Variants in CPA6 observed in about 807,000 individuals in gnomAD.
CPA6 encodes the protein carboxypeptidase B.
Under a neutral mutation model 63.3 loss-of-function variants are expected in CPA6, and 58 were observed. That is an observed-to-expected ratio of 0.92 (90% CI 0.74 to 1.14). CPA6 has a LOEUF of 1.14. CPA6 is among the 50% of genes most tolerant of loss of function. The pLI, the probability that CPA6 is intolerant of heterozygous loss-of-function variation, is 0.00. For missense variants in CPA6, 565 were observed against 526.6 expected (o/e 1.07, Z -0.71); for synonymous variants, 185 against 179.0 (o/e 1.03, Z -0.27).
chr8:67,531,183 T>C (rs1812469903), intron 2 of CPA6, among the ~76,000 whole-genome samples: 1 of 152,122 alleles, frequency 6.6e-6, no homozygotes, highest in Admixed American at 6.6e-5. Context: ...AAGACAATTA[T>C]ATTATCAACA....
intron 2 of CPA6, among the ~76,000 whole-genome samples, chr8:67,606,430 G>A (rs1324507313): frequency 6.6e-6 from 1 of 151,992 alleles, no homozygotes; most frequent in South Asian, 2.1e-4. Flanking sequence ...TGCTTGAGAG[G>A]ACCACCCAAA....
At chr8:67,692,202 G>C (rs2128997449) in intron 1 of CPA6, among the ~76,000 whole-genome samples, 1 of 152,160 alleles carries the variant, frequency 6.6e-6, no homozygotes, top group South Asian at 2.1e-4. Context: ...CGGGCATGGT[G>C]GCGCATGCCT....
intron 1 of CPA6, among the ~76,000 whole-genome samples, chr8:67,632,152 G>C (rs955860398): frequency 7.6e-5 from 5 of 65,934 alleles, no homozygotes; most frequent in East Asian, 3.0e-4. Flanking sequence ...ATGATGCTGT[G>C]TGTGTGTGTG....
At chr8:67,726,858 A>T (rs1399069308) in intron 1 of CPA6, among the ~76,000 whole-genome samples, 1 of 152,226 alleles carries the variant, frequency 6.6e-6, no homozygotes, top group Non-Finnish European at 1.5e-5. Flanking sequence ...ATATTCAATA[A>T]TCTCATTTTC....
At chr8:67,439,981 T>C (rs964639535) in intron 8 of CPA6, among the ~76,000 whole-genome samples, 8 of 152,208 alleles carry the variant, frequency 5.3e-5, no homozygotes, top group African/African-American at 1.9e-4. Context: ...GTGGTGTAAG[T>C]AGATATTCCA....
In CPA6 at chr8:67,517,946, TAAG is replaced by T; in HGVS notation, c.291_293del (p.Phe97del). The stretch of plus-strand genomic sequence containing the variant: ...ACTTGTACTGGATGTTGGCTTCCTG[TAAG>T]AAGGCTAACAGGGCTCGGGAACCAT... On this transcript the variant is annotated inframe_deletion, in exon 3 of 11. Transcript: ENST00000297770. 1 of 1,612,222 alleles carries T rather than the reference TAAG, an allele frequency of 6.2e-7. No homozygotes were observed. The highest frequency in any genetic ancestry group is 8.5e-7 in the Non-Finnish European group (1 of 1,179,398).
At chr8:67,594,375 T>G (rs1427392957) in intron 2 of CPA6, among the ~76,000 whole-genome samples, 2 of 152,138 alleles carry the variant, frequency 1.3e-5, no homozygotes, top group Non-Finnish European at 2.9e-5. Flanking sequence ...GAGTTGCTCT[T>G]CTCGAGGAGT....
intron 2 of CPA6, among the ~76,000 whole-genome samples, chr8:67,575,871 G>C (rs1813612399): frequency 6.6e-6 from 1 of 150,452 alleles, no homozygotes; most frequent in African/African-American, 2.4e-5. Flanking sequence ...AAGAAATTTT[G>C]TCAACATGGA....
At chr8:67,711,932 A>T (rs968189027) in intron 1 of CPA6, among the ~76,000 whole-genome samples, 2 of 152,132 alleles carry the variant, frequency 1.3e-5, no homozygotes, top group African/African-American at 2.4e-5. Flanking sequence ...CCACAGAGCC[A>T]TGTAATACTT....
chr8:67,587,996 A>T lies in CPA6; in HGVS notation c.192+36180T>A, dbSNP rs150405561. On this transcript the variant is annotated intron_variant, in intron 2 of 10. Coordinates refer to ENST00000297770, the MANE Select transcript of CPA6 (RefSeq NM_020361.5). ...TTTCAATGATCACTAGCACAGGGAT[A>T]AGTGGTACAGGTGTGCTTGAGGTAA... Among the ~76,000 whole-genome samples the T allele has an allele frequency of 2.6e-3, 399 of 152,304 alleles. 10 individuals are homozygous for T. In the East Asian group the frequency reaches 0.071, roughly 27 times the overall value.
rs182805663 is a variant in CPA6, at chr8:67,519,808, T to C, written c.193-1761A>G. Among the ~76,000 whole-genome samples the C allele has an allele frequency of 4.9e-4, 74 of 152,374 alleles. 1 individual carries two copies. Among genetic ancestry groups the C allele is most frequent in the Non-Finnish European group, 8.4e-4 (57 of 68,032 alleles). On this transcript the variant is annotated intron_variant, in intron 2 of 10. Transcript: ENST00000297770. ...ATAGGTGTGTCTAAACCACATCTTT[T>C]AGGTCTCCAAATAGAGGAGAGTCAA...
intron 10 of CPA6, among the ~76,000 whole-genome samples, chr8:67,423,006 C>A (rs932981870): frequency 3.3e-5 from 5 of 152,218 alleles, no homozygotes; most frequent in Non-Finnish European, 7.3e-5. Flanking sequence ...ACAACCTATA[C>A]TGAGAACTCT....
In CPA6 at chr8:67,499,965, C is replaced by T. The variant is rs545683085; in HGVS notation, c.636+6822G>A. On this transcript the variant is annotated intron_variant, in intron 6 of 10. Transcript: ENST00000297770. ...TAAAGATGCTATAAACATTTGTGCACGGGTTTTTGAGCAAACATAAGTCTT... is the reference window on the plus strand; with the variant it reads ...TAAAGATGCTATAAACATTTGTGCATGGGTTTTTGAGCAAACATAAGTCTT... Among the ~76,000 whole-genome samples the T allele has an allele frequency of 9.9e-5, 15 of 152,202 alleles. No individual in the cohort carries two copies. The South Asian group carries it at 1.9e-3, about 19-fold the overall frequency.
chr8:67,613,245 T>A (rs934255834), intron 2 of CPA6, among the ~76,000 whole-genome samples: 1 of 152,234 alleles, frequency 6.6e-6, no homozygotes, highest in Non-Finnish European at 1.5e-5. Flanking sequence ...TTTATCATGA[T>A]TGAAAATAAA....
intron 8 of CPA6, among the ~76,000 whole-genome samples, chr8:67,435,866 C>T (rs1400731768): frequency 6.6e-6 from 1 of 151,462 alleles, no homozygotes; most frequent in East Asian, 1.9e-4. Context: ...GGGCACAGGG[C>T]TTTGAATCAG....
chr8:67,555,091 C>G (rs1813030202), intron 2 of CPA6, among the ~76,000 whole-genome samples: 1 of 152,176 alleles, frequency 6.6e-6, no homozygotes. Flanking sequence ...TTGACAACCC[C>G]AAATCAACCC....
chr8:67,469,924 T>C (rs1013483063), intron 8 of CPA6, among the ~76,000 whole-genome samples: 9 of 152,202 alleles, frequency 5.9e-5, no homozygotes, highest in African/African-American at 2.2e-4. Flanking sequence ...AGACAGGGAA[T>C]CTGTGGCATC....
intron 1 of CPA6, among the ~76,000 whole-genome samples, chr8:67,639,177 T>A (rs1815534048): frequency 6.6e-6 from 1 of 151,528 alleles, no homozygotes; most frequent in Non-Finnish European, 1.5e-5. Flanking sequence ...GTGGTAAATA[T>A]TTTAGGTTTG....
intron 1 of CPA6, among the ~76,000 whole-genome samples, chr8:67,745,250 G>A (rs1817986171): frequency 6.6e-6 from 1 of 152,194 alleles, no homozygotes; most frequent in African/African-American, 2.4e-5. Context: ...GTGCAGGCAA[G>A]CCATAATTTC....
Sources: gnomAD v4.1 joint callset for allele counts (sites outside exome capture counted in the v4.1 genomes callset) on GRCh38, gnomAD v4.1.1 for gene constraint, MANE v1.5 for transcripts, NCBI Gene and HGNC (gene_info 2026-07-23, HGNC 2026-07-21) for gene names.